NAV1: variants seen among roughly 807,000 people sequenced by gnomAD.
The protein encoded by NAV1 is pore membrane and/or filament interacting like protein 3.
A neutral mutation model predicts 175.2 loss-of-function variants in NAV1; 18 were observed. The observed-to-expected ratio is 0.10, with a 90% CI of 0.07 to 0.15. The LOEUF (loss-of-function observed/expected upper bound fraction) is 0.15. Among genes scored for constraint, NAV1 ranks in the 10% least tolerant of loss-of-function variants. The pLI is 1.00. For synonymous variants in NAV1, 897 were observed against 978.7 expected, an observed-to-expected ratio of 0.92 and a Z score of 1.56; for missense variants, 1,731 against 2,436.6, an observed-to-expected ratio of 0.71 and a Z score of 6.10.
In NAV1 at chr1:201,740,038, C is replaced by T. The variant is rs1170300178; in HGVS notation, c.1226+21283C>T. 3 of 1,498,204 alleles carry T rather than the reference C, an allele frequency of 2.0e-6. No individual in the cohort carries two copies. The highest frequency in any genetic ancestry group is 1.3e-5 in the South Asian group (1 of 77,456). The allele number at this position is 1,498,204 out of a possible 1,614,324, so 92.8% of individuals were successfully genotyped here. On this transcript the variant is annotated intron_variant, in intron 3 of 29. Coordinates refer to ENST00000367296, the Ensembl canonical transcript of NAV1. The surrounding 1 kb of genome is among the most constrained non-coding windows in gnomAD (Gnocchi z 4.7). Reference sequence around the variant, plus strand: ...AGCCGGGGAAGATGCTTCATCTGCCCCTGCCCAGATCCGGAAGAACGGTGA... The same window carrying T: ...AGCCGGGGAAGATGCTTCATCTGCCTCTGCCCAGATCCGGAAGAACGGTGA...
intron 2 of NAV1, 101 bp downstream of exon 4, chr1:201,629,608 C>A: frequency 1.5e-6 from 1 of 673,292 alleles, no homozygotes; most frequent in Non-Finnish European, 2.2e-6. Flanking sequence ...GGGTCCATCT[C>A]TTGACAAGGA....
At chr1:201,608,365 G>A (rs1021851346) in intron 2 of NAV1, among the ~76,000 whole-genome samples, 3 of 152,150 alleles carry the variant, frequency 2.0e-5, no homozygotes, top group African/African-American at 7.2e-5. Flanking sequence ...TCTGATCCAA[G>A]TCTGCGAATG....
intron 3 of NAV1, among the ~76,000 whole-genome samples, chr1:201,732,097 ATCTC>A (rs1428820927): frequency 2.0e-5 from 3 of 149,500 alleles, no homozygotes; most frequent in East Asian, 2.0e-4. Flanking sequence ...CAGCTATACA[ATCTC>A]TCTCTCTCTT....
At chr1:201,572,909 TCTC>T (rs952219319) in intron 1 of NAV1, among the ~76,000 whole-genome samples, 7 of 152,156 alleles carry the variant, frequency 4.6e-5, no homozygotes, top group Non-Finnish European at 1.0e-4. Flanking sequence ...CCCATAGCCA[TCTC>T]CTCCCATGCT....
Position 201,613,305 on chromosome 1 carries a change from C to A in NAV1, c.-32-9548C>A, listed in dbSNP as rs539413919. On this transcript the variant is annotated intron_variant, in intron 2 of 33. Coordinates refer to the NAV1 transcript ENST00000685211. ...TTGGTTACCCTCTCCCCGCCTCCCC[C>A]CCGCCACCAACCCCATATAAATGGA... Among the ~76,000 whole-genome samples, 107 of 152,268 alleles carry A rather than the reference C, an allele frequency of 7.0e-4. 1 individual carries two copies. Among genetic ancestry groups the A allele is most frequent in the Middle Eastern group, 6.8e-3 (2 of 294 alleles).
intron 3 of NAV1, among the ~76,000 whole-genome samples, chr1:201,764,135 T>C (rs780992787): frequency 1.8e-4 from 28 of 152,226 alleles, no homozygotes; most frequent in Admixed American, 4.6e-4. Context: ...TAAATCTGAA[T>C]TGAAAACTAG....
chr1:201,822,614 G>A (rs187530443), exon 30 of NAV1: 1 of 152,726 alleles, frequency 6.5e-6, no homozygotes, highest in East Asian at 1.9e-4. Context: ...GAGGCCTCAT[G>A]CTATGACTTT....
chr1:201,566,243 C>T (rs899358440), intron 1 of NAV1, among the ~76,000 whole-genome samples: 2 of 152,174 alleles, frequency 1.3e-5, no homozygotes, highest in Admixed American at 6.5e-5. Flanking sequence ...ACTCCCCAGA[C>T]CCCCATGAAA....
chr1:201,660,960 A>G (rs1207764141), intron 1 of NAV1, among the ~76,000 whole-genome samples: 1 of 152,200 alleles, frequency 6.6e-6, no homozygotes, highest in Non-Finnish European at 1.5e-5. Flanking sequence ...CATATTTTTT[A>G]GCAACCAATA....
chr1:201,563,779 T>C (rs1223977808), intron 1 of NAV1, among the ~76,000 whole-genome samples: 23 of 151,198 alleles, frequency 1.5e-4, no homozygotes, highest in African/African-American at 5.6e-4. Flanking sequence ...GCAGATCTGG[T>C]TGGGATCCGA....
At chr1:201,803,652 A>G (rs1475058001) in exon 16 of NAV1, 4 of 1,613,784 alleles carry the variant, frequency 2.5e-6, no homozygotes, top group South Asian at 1.1e-5. Flanking sequence ...CAGCATCACT[A>G]GCCATTCCAG....
In NAV1 at chr1:201,788,423, G is replaced by A; in HGVS notation, c.2996-45G>A. 1 of 1,608,866 alleles carries A rather than the reference G, an allele frequency of 6.2e-7. No homozygotes were observed. The highest frequency in any genetic ancestry group is 8.5e-7 in the Non-Finnish European group (1 of 1,177,182). The stretch of plus-strand genomic sequence containing the variant: ...AGCTGATGACCCTGCCTCTTTTCCT[G>A]CCCTCCTGCTCCCTCTCCTGTCCCC... On this transcript the variant is annotated intron_variant, in intron 9 of 29. Transcript: ENST00000367296. The surrounding 1 kb of genome is among the most constrained non-coding windows in gnomAD (Gnocchi z 5.7).
At chr1:201,672,865 A>AGCT (rs1558055264) in intron 1 of NAV1, among the ~76,000 whole-genome samples, 1 of 152,196 alleles carries the variant, frequency 6.6e-6, no homozygotes, top group East Asian at 1.9e-4. Context: ...TTACCGCCCA[A>AGCT]CAGACGCTCA....
chr1:201,569,610 A>C (rs951447419), intron 1 of NAV1, among the ~76,000 whole-genome samples: 1 of 152,212 alleles, frequency 6.6e-6, no homozygotes, highest in African/African-American at 2.4e-5. Flanking sequence ...TCTGCCTTTA[A>C]AAAATGATCT....
intron 3 of NAV1, among the ~76,000 whole-genome samples, chr1:201,745,383 C>T (rs80125885): frequency 0.027 from 4,111 of 152,272 alleles, 167 homozygotes; most frequent in African/African-American, 0.084. Flanking sequence ...AATTTCCTCA[C>T]GAACCAGTTT....
intron 3 of NAV1, among the ~76,000 whole-genome samples, chr1:201,746,726 T>G (rs1276955196): frequency 1.3e-5 from 2 of 152,062 alleles, no homozygotes; most frequent in Non-Finnish European, 2.9e-5. Flanking sequence ...AATGACCAGG[T>G]GCAGTGTCTC....
chr1:201,780,324 A>G (rs1571485358), intron 3 of NAV1, 97 bp from the exon 8 acceptor site: 3 of 1,463,156 alleles, frequency 2.1e-6, no homozygotes, highest in East Asian at 4.5e-5. Context: ...GCTAGCCTAT[A>G]TACTGGTGCA....
intron 1 of NAV1, among the ~76,000 whole-genome samples, chr1:201,692,160 A>G (rs951477554): frequency 1.2e-4 from 19 of 152,210 alleles, no homozygotes; most frequent in Admixed American, 5.9e-4. Flanking sequence ...AGATACAGCC[A>G]TGGACACACC....
Position 201,782,402 on chromosome 1 carries a change from G to A in NAV1, c.1890G>A (p.Lys630=). Residue 630 remains lysine, a synonymous_variant, in exon 6 of 30, where the codon AAG becomes AAA. Coordinates refer to ENST00000367296, the Ensembl canonical transcript of NAV1. This position sits in a 1 kb window ranked among gnomAD's most constrained non-coding sequence, Gnocchi z 5.4. ...CTGGTGGTTCAGCCACTCTCAGCAA[G>A]ATCCAGAAGTCCTCAGGCATCCCTG... is the stretch of plus-strand genomic sequence containing the variant. 3.7e-6 allele frequency: 6 copies of A among 1,614,100 alleles called. No individual in the cohort carries two copies. The highest frequency in any genetic ancestry group is 5.1e-6 in the Non-Finnish European group (6 of 1,179,974).
Sources: gnomAD v4.1 joint callset for allele counts (sites outside exome capture counted in the v4.1 genomes callset) on GRCh38, gnomAD v4.1.1 for gene constraint, Gnocchi (gnomAD v3.1) non-coding constraint, MANE v1.5 for transcripts, NCBI Gene and HGNC (gene_info 2026-07-23, HGNC 2026-07-21) for gene names.